FBLN5: variants seen among roughly 807,000 people sequenced by gnomAD.
FBLN5 encodes the protein fibulin-5.
Under a neutral mutation model 61.6 loss-of-function variants are expected in FBLN5, and 24 were observed. The ratio of observed to expected loss-of-function variants is 0.39; its 90% CI spans 0.28 to 0.55. The LOEUF (loss-of-function observed/expected upper bound fraction) is 0.55. Ranked by LOEUF, FBLN5 falls within the 20% of genes least tolerant of loss-of-function variation. The pLI is 0.65. For missense variants in FBLN5, 470 were observed against 594.1 expected, an observed-to-expected ratio of 0.79 and a Z score of 2.17; for synonymous variants, 213 against 219.8, an observed-to-expected ratio of 0.97 and a Z score of 0.27.
intron 9 of FBLN5, among the ~76,000 whole-genome samples, chr14:91,879,759 C>T (rs981589778): frequency 6.6e-6 from 1 of 152,240 alleles, no homozygotes; most frequent in African/African-American, 2.4e-5. Context: ...CCGGCATTAT[C>T]CTCTCTTTTG....
chr14:91,889,436 G>A (rs1171387171), intron 6 of FBLN5, among the ~76,000 whole-genome samples: 1 of 152,202 alleles, frequency 6.6e-6, no homozygotes, highest in African/African-American at 2.4e-5. Flanking sequence ...ATCTGCTGAG[G>A]GCACACAGGG....
At chr14:91,902,015 G>A (rs1174191029) in intron 4 of FBLN5, among the ~76,000 whole-genome samples, 4 of 152,198 alleles carry the variant, frequency 2.6e-5, no homozygotes, top group African/African-American at 9.6e-5. Context: ...GACAAACTAT[G>A]CAACTAATGG....
rs143180192 is a variant in FBLN5, at chr14:91,905,429, T to C, written c.380-10357A>G. ...AGCTGCTAACAGGTGAGAACAGGTC[T>C]AGACACTGACGATGACCTAGGGGAA... On this transcript the variant is annotated intron_variant, in intron 4 of 10. Coordinates refer to ENST00000342058, the MANE Select transcript of FBLN5 (RefSeq NM_006329.4). 1.7e-3 allele frequency among the ~76,000 whole-genome samples: 255 copies of C among 152,230 alleles called. 4 individuals carry two copies. Among genetic ancestry groups the C allele is most frequent in the East Asian group, 0.012 (63 of 5,162 alleles).
intron 4 of FBLN5, among the ~76,000 whole-genome samples, chr14:91,898,798 T>A: frequency 1.3e-5 from 1 of 77,582 alleles, no homozygotes; most frequent in Admixed American, 1.4e-4. Context: ...CATTCATTCT[T>A]TTTTTTTTTT....
intron 4 of FBLN5, among the ~76,000 whole-genome samples, chr14:91,926,351 A>C (rs1595339414): frequency 6.6e-6 from 1 of 152,164 alleles, no homozygotes; most frequent in African/African-American, 2.4e-5. Context: ...GGGTCAGCCC[A>C]GTACCACCAG....
At chr14:91,907,804 C>T (rs929227551) in intron 4 of FBLN5, among the ~76,000 whole-genome samples, 3 of 152,120 alleles carry the variant, frequency 2.0e-5, no homozygotes, top group African/African-American at 4.8e-5. Flanking sequence ...GGAACTGGTA[C>T]TGGTTCTCAG....
At chr14:91,923,028 G>A (rs2284342) in intron 4 of FBLN5, among the ~76,000 whole-genome samples, 33,849 of 152,042 alleles carry the variant, frequency 0.22, 3,914 homozygotes, top group Middle Eastern at 0.34. Flanking sequence ...CCTCAAATGA[G>A]AAGATACCAT....
At chr14:91,876,852 G>C (rs897022540) in intron 10 of FBLN5, among the ~76,000 whole-genome samples, 1 of 152,202 alleles carries the variant, frequency 6.6e-6, no homozygotes, top group South Asian at 2.1e-4. Flanking sequence ...TTCAGAGATG[G>C]GGTCTCGCTC....
At chr14:91,919,230 C>T (rs1284095383) in intron 4 of FBLN5, among the ~76,000 whole-genome samples, 1 of 151,174 alleles carries the variant, frequency 6.6e-6, no homozygotes, top group Non-Finnish European at 1.5e-5. Flanking sequence ...ACTTGGGTGG[C>T]TGAGGCAGGA....
chr14:91,931,682 T>C lies in FBLN5; in HGVS notation c.379+5265A>G, dbSNP rs563842962. Among the ~76,000 whole-genome samples the C allele has an allele frequency of 5.3e-5, 8 of 152,358 alleles. No individual in the cohort carries two copies. The East Asian group carries it at 1.5e-3, about 29-fold the overall frequency. On this transcript the variant is annotated intron_variant, in intron 4 of 10. Transcript: ENST00000342058. ...AAAATATTTCACAAACATGAGTTAC[T>C]GATGGAGTCTCTACATTTGCCACTG...
chr14:91,945,682 G>A (rs2056172297), intron 1 of FBLN5, among the ~76,000 whole-genome samples: 1 of 152,134 alleles, frequency 6.6e-6, no homozygotes, highest in Admixed American at 6.5e-5. Context: ...AGGGAATAGG[G>A]CCCTGATACG....
At chr14:91,922,952 G>A (rs562841050) in intron 4 of FBLN5, among the ~76,000 whole-genome samples, 31 of 152,284 alleles carry the variant, frequency 2.0e-4, no homozygotes, top group African/African-American at 6.5e-4. Flanking sequence ...AGAACATGGA[G>A]GTGATGTAAT....
At position 91,904,135 on chromosome 14, in the gene FBLN5, T is replaced by G. The variant is rs553086593; in HGVS notation, c.380-9063A>C. On this transcript the variant is annotated intron_variant, in intron 4 of 10. Transcript: ENST00000342058. ...GCCACGTGCATCGGAACCTCCAGTT[T>G]CTTGAAAGCAGGAAAAGGGCCTTAT... Among the ~76,000 whole-genome samples the G allele has an allele frequency of 2.4e-4, 37 of 152,272 alleles. 2 individuals carry two copies. The South Asian group carries it at 7.3e-3, about 30-fold the overall frequency.
chr14:91,943,059 C>T lies in FBLN5; in HGVS notation c.18-98G>A. On this transcript the variant is annotated intron_variant, in intron 1 of 10. Transcript: ENST00000342058. This position sits in a 1 kb window ranked among gnomAD's most constrained non-coding sequence, Gnocchi z 4.0. ...CCCGTGACGTGTAACGGTGATATCACCTTGGGCTTGTATGGGGTGGGGTGT... is the reference window on the plus strand; with the variant it reads ...CCCGTGACGTGTAACGGTGATATCATCTTGGGCTTGTATGGGGTGGGGTGT... 1.2e-6 allele frequency: 1 copy of T among 827,436 alleles called. No individual in the cohort carries two copies. The allele number at this position is 827,436 out of a possible 1,614,324, so 51.3% of individuals were successfully genotyped here.
intron 9 of FBLN5, among the ~76,000 whole-genome samples, chr14:91,878,301 G>A (rs1255139591): frequency 1.3e-5 from 2 of 152,142 alleles, no homozygotes; most frequent in Non-Finnish European, 2.9e-5. Flanking sequence ...TTTCTAATAG[G>A]AGAAATAAAC....
intron 5 of FBLN5, among the ~76,000 whole-genome samples, chr14:91,892,817 G>T (rs1190514857): frequency 6.6e-6 from 1 of 152,240 alleles, no homozygotes; most frequent in African/African-American, 2.4e-5. Flanking sequence ...GTGTGGCTAT[G>T]GAACTTGCAT....
At chr14:91,919,362 AAAAGAAAAGAAAAGAAAAG>A (rs2055686920) in intron 4 of FBLN5, among the ~76,000 whole-genome samples, 1 of 124,594 alleles carries the variant, frequency 8.0e-6, no homozygotes, top group African/African-American at 3.2e-5. Context: ...AAAAGAAAAG[AAAAGAAAAGAAAAGAAAAG>A]AAAGAAAGAA....
At chr14:91,917,901 C>T (rs1891263069) in intron 4 of FBLN5, among the ~76,000 whole-genome samples, 1 of 152,188 alleles carries the variant, frequency 6.6e-6, no homozygotes, top group Non-Finnish European at 1.5e-5. Flanking sequence ...CCCTTCTTAA[C>T]CTTTTTCATG....
At chr14:91,900,076 C>A (rs1048673785) in intron 4 of FBLN5, among the ~76,000 whole-genome samples, 2 of 152,222 alleles carry the variant, frequency 1.3e-5, no homozygotes, top group Non-Finnish European at 2.9e-5. Context: ...GTATGGAGTT[C>A]TCAGACAGCT....
Sources: allele counts gnomAD v4.1 joint callset (sites outside exome capture counted in the v4.1 genomes callset), GRCh38; gene constraint gnomAD v4.1.1; non-coding constraint Gnocchi (gnomAD v3.1); transcripts MANE v1.5; gene names NCBI Gene and HGNC (gene_info 2026-07-23, HGNC 2026-07-21).